Variants in IFI16 observed in about 807,000 individuals in gnomAD.
IFI16 encodes gamma-interferon-inducible protein 16.
In IFI16, 49 loss-of-function variants were observed where a neutral mutation model predicts 68.4. The observed-to-expected ratio is 0.72, with a 90% confidence interval of 0.57 to 0.91. IFI16 has a LOEUF of 0.91. IFI16 is among the 40% of genes least tolerant of loss of function. IFI16 has a pLI of 0.00. For synonymous variants in IFI16, 307 were observed against 315.0 expected, an observed-to-expected ratio of 0.97 and a Z score of 0.27; for missense variants, 878 against 942.9, an observed-to-expected ratio of 0.93 and a Z score of 0.90.
chr1:159,016,662 A>T lies in IFI16; in HGVS notation c.511A>T (p.Thr171Ser), dbSNP rs774624433. Residue 171 changes from threonine (T) to serine (S), a missense_variant, in exon 4 of 12, where the codon ACC becomes TCC. Transcript: ENST00000295809. The part of the protein sequence containing the change: ...TAMGRSPSPK[T>S]SLSAPPNSSS... ...CATGGGCCGTTCCCCATCTCCCAAGACCTCATTGTCAGCTCCACCCAACAG... is the reference window on the plus strand; with the variant it reads ...CATGGGCCGTTCCCCATCTCCCAAGTCCTCATTGTCAGCTCCACCCAACAG... 6 of 1,613,766 alleles carry T rather than the reference A, an allele frequency of 3.7e-6. No homozygotes were observed. Among genetic ancestry groups the T allele is most frequent in the South Asian group, 1.1e-5 (1 of 91,058 alleles).
Position 159,046,825 on chromosome 1 carries a change from G to A in IFI16, c.1497+1361G>A, listed in dbSNP as rs573773207. On this transcript the variant is annotated intron_variant, in intron 8 of 11. Transcript: ENST00000295809. ...ATTTTCTCATTGTTTGCCTTCATAG[G>A]TACCTTTCTATTTCTTTAGAGCATT... 6.0e-4 allele frequency among the ~76,000 whole-genome samples: 90 copies of A among 151,116 alleles called. 3 individuals carry two copies. Among genetic ancestry groups the A allele is most frequent in the Non-Finnish European group, 1.1e-3 (77 of 67,590 alleles).
chr1:159,051,809 T>G lies in IFI16; in HGVS notation c.1796T>G (p.Met599Arg). The change falls in exon 10 of 12, where the codon ATG (methionine) becomes AGG (arginine). Residue 599 changes from methionine to arginine, a missense_variant. Met to Arg is a moderately conservative substitution (Grantham distance 91). This residue lies in a region of IFI16 where 311 missense variants were observed against 305.1 expected (regional missense o/e 1.02). Coordinates refer to ENST00000295809, the MANE Select transcript of IFI16 (RefSeq NM_001376587.1). Reference sequence around the variant, plus strand: ...TATGAGCCCAAAGAGCAGAAGAAAATGTTTCATGCCACAGTGGCAACTGAG... The same window carrying G: ...TATGAGCCCAAAGAGCAGAAGAAAAGGTTTCATGCCACAGTGGCAACTGAG... ...FVYEPKEQKK[M>R]FHATVATENE... The G allele has an allele frequency of 2.5e-6, 4 of 1,613,998 alleles. No homozygotes were observed. The highest frequency in any genetic ancestry group is 3.4e-6 in the Non-Finnish European group (4 of 1,179,946).
At chr1:159,016,817 T>G (rs1367575424) in intron 4 of IFI16, 117 bp downstream of exon 4, 1 of 877,004 alleles carries the variant, frequency 1.1e-6, no homozygotes, top group East Asian at 2.5e-5. Context: ...ATGTACATAT[T>G]GAGAAACCAC....
At chr1:159,026,214 G>A (rs1399370561) in intron 6 of IFI16, among the ~76,000 whole-genome samples, 1 of 151,384 alleles carries the variant, frequency 6.6e-6, no homozygotes, top group Non-Finnish European at 1.5e-5. Flanking sequence ...CTAGTTCTGT[G>A]AAGAATGATG....
chr1:159,054,877 A>C lies in IFI16; in HGVS notation c.2334A>C (p.Glu778Asp). The change falls in exon 12 of 12, where the codon GAA becomes GAC. Residue 778 changes from glutamate (E) to aspartate (D), a missense_variant. Coordinates refer to ENST00000295809, the MANE Select transcript of IFI16 (RefSeq NM_001376587.1). ...KDILNPDSSM[E>D]TSPDFFF The stretch of plus-strand genomic sequence containing the variant: ...TACTCAATCCTGATTCAAGTATGGA[A>C]ACTTCACCAGACTTTTTCTTCTAAA... The C allele has an allele frequency of 2.5e-6, 4 of 1,600,656 alleles. No homozygotes were observed. The highest frequency in any genetic ancestry group is 3.4e-6 in the Non-Finnish European group (4 of 1,169,464).
rs752468179 is a variant in IFI16 at position 159,019,261 on chromosome 1, C to CAACAA, written c.972+612_972+613insCAAAA. ...AAATTTGTCATTTATATATAAATAA[C>CAACAA]AAAAAAAAAAAATAGAGTACAGAGT... On this transcript the variant is annotated intron_variant, in intron 5 of 11. Coordinates refer to ENST00000295809, the MANE Select transcript of IFI16 (RefSeq NM_001376587.1). 2.4e-3 allele frequency among the ~76,000 whole-genome samples: 340 copies of CAACAA among 142,492 alleles called. 2 individuals are homozygous for CAACAA. The highest frequency in any genetic ancestry group is 7.9e-3 in the African/African-American group (312 of 39,626). The allele number at this position is 142,492 out of a possible 152,430, so 93.5% of individuals were successfully genotyped here.
intron 4 of IFI16, 60 bp downstream of exon 4, chr1:159,016,760 T>A (rs1052413815): frequency 1.6e-5 from 23 of 1,441,824 alleles, no homozygotes; most frequent in Non-Finnish European, 2.2e-5. Flanking sequence ...AAGGACTGAT[T>A]TCACCGGTTA....
chr1:159,021,319 A>C (rs1175504021), intron 6 of IFI16, among the ~76,000 whole-genome samples: 2 of 152,014 alleles, frequency 1.3e-5, no homozygotes, highest in Non-Finnish European at 1.5e-5. Flanking sequence ...CTCATAGCTT[A>C]CCTCCCACTT....
intron 7 of IFI16, among the ~76,000 whole-genome samples, chr1:159,034,629 A>G (rs1654209972): frequency 6.6e-6 from 1 of 152,160 alleles, no homozygotes; most frequent in Non-Finnish European, 1.5e-5. Context: ...TCTTGAACCC[A>G]ACTCTCCACA....
chr1:159,054,870 G>C lies in IFI16; in HGVS notation c.2327G>C (p.Ser776Thr). Residue 776 changes from serine to threonine, a missense_variant, in exon 12 of 12, where the codon AGT (serine) becomes ACT (threonine). By Grantham distance (58) the Ser-to-Thr change is moderately conservative. This residue lies in a region of IFI16 where 311 missense variants were observed against 305.1 expected (regional missense o/e 1.02). Coordinates refer to ENST00000295809, the MANE Select transcript of IFI16 (RefSeq NM_001376587.1). ...NKKDILNPDS[S>T]METSPDFFF ...AAAGACATACTCAATCCTGATTCAAGTATGGAAACTTCACCAGACTTTTTC... is the reference window on the plus strand; with the variant it reads ...AAAGACATACTCAATCCTGATTCAACTATGGAAACTTCACCAGACTTTTTC... 1 of 1,603,480 alleles carries C rather than the reference G, an allele frequency of 6.2e-7. No individual in the cohort carries two copies. Among genetic ancestry groups the C allele is most frequent in the Non-Finnish European group, 8.5e-7 (1 of 1,172,046 alleles).
At chr1:159,051,293 G>GT (rs1316054257) in intron 9 of IFI16, among the ~76,000 whole-genome samples, 1 of 152,110 alleles carries the variant, frequency 6.6e-6, no homozygotes, top group Non-Finnish European at 1.5e-5. Context: ...CCTGACCTGG[G>GT]TAGAAAGGAG....
At position 159,051,766 on chromosome 1, in the gene IFI16, G is replaced by T. The variant is rs376728594; in HGVS notation, c.1753G>T (p.Ala585Ser). Residue 585 changes from alanine to serine, a missense_variant, in exon 10 of 12, where the codon GCA becomes TCA. Physicochemically the swap from Ala to Ser is moderately conservative, Grantham distance 99. Coordinates refer to ENST00000295809, the MANE Select transcript of IFI16 (RefSeq NM_001376587.1). ...CCTCAAAGAAGTGATGGTGCTGAAC[G>T]CAACAGAATCATTTGTATATGAGCC... ...SDLKEVMVLN[A>S]TESFVYEPKE... 2 of 1,613,800 alleles carry T rather than the reference G, an allele frequency of 1.2e-6. No homozygotes were observed. The highest frequency in any genetic ancestry group is 2.7e-5 in the African/African-American group (2 of 74,916).
At chr1:159,007,292 G>C (rs908883179), upstream of IFI16, among the ~76,000 whole-genome samples, 2 of 152,224 alleles carry the variant, frequency 1.3e-5, no homozygotes, top group African/African-American at 4.8e-5. Context: ...CAGGAAGCAT[G>C]AGAACCCAAA....
chr1:159,014,626 A>G (rs750769502), intron 1 of IFI16, 35 bp from the exon 2 acceptor site: 3 of 1,397,308 alleles, frequency 2.1e-6, no homozygotes, highest in Non-Finnish European at 9.8e-7. Flanking sequence ...GTCTGTATAC[A>G]TGTGTAACAC....
chr1:159,023,434 G>C (rs1653462617), intron 6 of IFI16, among the ~76,000 whole-genome samples: 1 of 151,978 alleles, frequency 6.6e-6, no homozygotes, highest in Admixed American at 6.6e-5. Context: ...AGTAGATATA[G>C]TTTATTTAGT....
At chr1:159,014,164 G>A (rs766524734) in intron 1 of IFI16, among the ~76,000 whole-genome samples, 2 of 152,184 alleles carry the variant, frequency 1.3e-5, no homozygotes, top group Non-Finnish European at 2.9e-5. Flanking sequence ...CTAGGGAAGA[G>A]TCAAGGAGAA....
chr1:159,020,326 A>C lies in IFI16; in HGVS notation c.973-15A>C. On this transcript the variant is annotated splice_polypyrimidine_tract_variant and intron_variant, in intron 5 of 11. Coordinates refer to ENST00000295809, the MANE Select transcript of IFI16 (RefSeq NM_001376587.1). ...ATTACATTCTCAGGAACAGAATATT[A>C]ATTTTCTGTTACAGAAAACAGTAAA... 1 of 1,572,578 alleles carries C rather than the reference A, an allele frequency of 6.4e-7. No individual in the cohort carries two copies. Among genetic ancestry groups the C allele is most frequent in the Non-Finnish European group, 8.7e-7 (1 of 1,148,222 alleles).
intron 2 of IFI16, among the ~76,000 whole-genome samples, chr1:159,015,149 T>A (rs1369140335): frequency 1.3e-5 from 2 of 150,548 alleles, no homozygotes; most frequent in Admixed American, 1.3e-4. Flanking sequence ...TATTTCAGAA[T>A]GTATATTTGG....
rs371303053 is a variant in IFI16, at chr1:159,036,212, C to T, written c.1329+3521C>T. On this transcript the variant is annotated intron_variant, in intron 7 of 11. Coordinates refer to ENST00000295809, the MANE Select transcript of IFI16 (RefSeq NM_001376587.1). ...CCTGTATTCTTTATGTATATTGTTG[C>T]ATTCTTTCCTCATAACAGTCATGAT... Among the ~76,000 whole-genome samples, 23 of 152,306 alleles carry T rather than the reference C, an allele frequency of 1.5e-4. No homozygotes were observed. The South Asian group carries it at 3.9e-3, about 26-fold the overall frequency.
Sources: gnomAD v4.1 joint callset for allele counts (sites outside exome capture counted in the v4.1 genomes callset) on GRCh38, gnomAD v4.1.1 for gene constraint, gnomAD v4.1.1 regional missense constraint, MANE v1.5 for transcripts, NCBI Gene and HGNC (gene_info 2026-07-23, HGNC 2026-07-21) for gene names.